Variants in PRKCZ observed in about 807,000 individuals in gnomAD.
PRKCZ encodes protein kinase C zeta.
A neutral mutation model predicts 79.5 loss-of-function variants in PRKCZ; 33 were observed. That is an observed-to-expected ratio of 0.41 (90% CI 0.31 to 0.55). PRKCZ has a LOEUF of 0.55. Among genes scored for constraint, PRKCZ ranks in the 20% least tolerant of loss-of-function variants. The pLI is 0.19. For synonymous variants in PRKCZ, 342 were observed against 320.9 expected, an observed-to-expected ratio of 1.07 and a Z score of -0.70; for missense variants, 578 against 813.5, an observed-to-expected ratio of 0.71 and a Z score of 3.52.
intron 10 of PRKCZ, among the ~76,000 whole-genome samples, chr1:2,162,639 G>T (rs1019022358): frequency 6.6e-6 from 1 of 152,050 alleles, no homozygotes; most frequent in Non-Finnish European, 1.5e-5. Context: ...TACAGATGGG[G>T]GTCTTGCTAT....
chr1:2,149,029 C>T lies in PRKCZ; in HGVS notation c.687+105C>T. The T allele has an allele frequency of 7.8e-7, 1 of 1,286,704 alleles. No homozygotes were observed. Among genetic ancestry groups the T allele is most frequent in the Non-Finnish European group, 1.1e-6 (1 of 898,862 alleles). The allele number at this position is 1,286,704 out of a possible 1,614,324, so 79.7% of individuals were successfully genotyped here. Reference sequence around the variant, plus strand: ...AATCTAGATGTGAAATAGACATGGTCCGGGGTGTTGCTAACTAATCTTCAC... The same window carrying T: ...AATCTAGATGTGAAATAGACATGGTTCGGGGTGTTGCTAACTAATCTTCAC... On this transcript the variant is annotated intron_variant, in intron 8 of 17. Transcript: ENST00000378567. This position sits in a 1 kb window ranked among gnomAD's most constrained non-coding sequence, Gnocchi z 4.1.
intron 4 of PRKCZ, among the ~76,000 whole-genome samples, chr1:2,126,143 T>TC (rs1340178554): frequency 1.3e-5 from 2 of 151,482 alleles, no homozygotes; most frequent in Admixed American, 6.6e-5. Context: ...TCACGTCTCC[T>TC]CCCCCCGCCT....
At chr1:2,085,920 T>A (rs1664440782) in intron 4 of PRKCZ, among the ~76,000 whole-genome samples, 1 of 152,166 alleles carries the variant, frequency 6.6e-6, no homozygotes, top group East Asian at 1.9e-4. Flanking sequence ...CTTCTCTCTT[T>A]CTCTCGCTCC....
At chr1:2,101,201 T>C (rs1240503692) in intron 4 of PRKCZ, among the ~76,000 whole-genome samples, 1 of 152,188 alleles carries the variant, frequency 6.6e-6, no homozygotes, top group African/African-American at 2.4e-5. Flanking sequence ...TTTTTAAAAC[T>C]TTTTAAAAGG....
chr1:2,169,001 TGCCACTTCCC>T, intron 10 of PRKCZ: 1 of 371,062 alleles, frequency 2.7e-6, no homozygotes, highest in Admixed American at 3.2e-5. Flanking sequence ...GAAACCGGGA[TGCCACTTCCC>T]ACCTGGCTTC....
At position 2,169,581 on chromosome 1, in the gene PRKCZ, G is replaced by C. The variant is rs1402089714; in HGVS notation, c.1038G>C (p.Arg346Ser). The C allele has an allele frequency of 2.6e-6, 4 of 1,520,256 alleles. No individual in the cohort carries two copies. Among genetic ancestry groups the C allele is most frequent in the Non-Finnish European group, 3.6e-6 (4 of 1,126,102 alleles). The allele number at this position is 1,520,256 out of a possible 1,614,324, so 94.2% of individuals were successfully genotyped here. ...GDLMFHMQRQ[R>S]KLPEEHARFY... is the part of the protein sequence containing the mutation. ...TGATGTTCCACATGCAGAGGCAGAG[G>C]AAGCTCCCTGAGGAGCACGCCAGGT... is the stretch of plus-strand genomic sequence containing the variant. Residue 346 changes from arginine to serine, a missense_variant, in exon 11 of 18, where the codon AGG (arginine) becomes AGC (serine). This residue lies in a region of PRKCZ where 243 missense variants were observed against 467.0 expected (regional missense o/e 0.52). Transcript: ENST00000378567.
At chr1:2,077,200 G>A (rs1662593434) in intron 4 of PRKCZ, among the ~76,000 whole-genome samples, 1 of 152,234 alleles carries the variant, frequency 6.6e-6, no homozygotes, top group Non-Finnish European at 1.5e-5. Flanking sequence ...ACACAGGAGA[G>A]TTTACACGCG....
In PRKCZ at chr1:2,107,301, C is replaced by T. The variant is rs576797726; in HGVS notation, c.335-27961C>T. Among the ~76,000 whole-genome samples, 11 of 152,334 alleles carry T rather than the reference C, an allele frequency of 7.2e-5. No homozygotes were observed. The South Asian group carries it at 2.3e-3, about 32-fold the overall frequency. On this transcript the variant is annotated intron_variant, in intron 4 of 17. Transcript: ENST00000378567. ...GCCAAGCAACACTGAGGCGGGATTG[C>T]GTCCTCCCTCTCCTGAGGCAGGTCC... is the stretch of plus-strand genomic sequence containing the variant.
chr1:2,178,373 C>G lies in PRKCZ; in HGVS notation c.1575+3060C>G, dbSNP rs560204761. Among the ~76,000 whole-genome samples, 1 of 152,244 alleles carries G rather than the reference C, an allele frequency of 6.6e-6. No homozygotes were observed. Among genetic ancestry groups the G allele is most frequent in the African/African-American group, 2.4e-5 (1 of 41,466 alleles). ...CAGTAGCACGTGGCACTGCCTCCTT[C>G]CTGCGCTGAACCCCACCCACTGCGT... On this transcript the variant is annotated intron_variant, in intron 16 of 17. Transcript: ENST00000378567. The surrounding 1 kb of genome is among the most constrained non-coding windows in gnomAD (Gnocchi z 4.3).
At chr1:2,079,403 GCA>G (rs1663056349) in intron 4 of PRKCZ, among the ~76,000 whole-genome samples, 2 of 152,196 alleles carry the variant, frequency 1.3e-5, no homozygotes, top group African/African-American at 2.4e-5. Flanking sequence ...TCCCAGAATC[GCA>G]CAGTTTGAGC....
rs529210774 is a variant in PRKCZ at position 2,093,647 on chromosome 1, C to T, written c.334+34056C>T. Among the ~76,000 whole-genome samples, 6 of 152,262 alleles carry T rather than the reference C, an allele frequency of 3.9e-5. No homozygotes were observed. The South Asian group carries it at 1.0e-3, about 26-fold the overall frequency. On this transcript the variant is annotated intron_variant, in intron 4 of 17. Coordinates refer to ENST00000378567, the MANE Select transcript of PRKCZ (RefSeq NM_002744.6). Reference sequence around the variant, plus strand: ...GTCCGGGTGGCTGTTGGTGCGGGGCCGCTGGGACCTGTACCCTCTAAGTTG... The same window carrying T: ...GTCCGGGTGGCTGTTGGTGCGGGGCTGCTGGGACCTGTACCCTCTAAGTTG...
At chr1:2,065,543 G>C (rs936015624) in intron 4 of PRKCZ, among the ~76,000 whole-genome samples, 1 of 152,152 alleles carries the variant, frequency 6.6e-6, no homozygotes, top group Non-Finnish European at 1.5e-5. Flanking sequence ...TCCGGGCGTG[G>C]TTGCAGGCGC....
intron 1 of PRKCZ, among the ~76,000 whole-genome samples, chr1:2,054,114 T>C (rs13302968): frequency 0.29 from 44,201 of 152,094 alleles, 9,886 homozygotes; most frequent in African/African-American, 0.63. Context: ...TTGTCTGGGA[T>C]GAGAACTTTG....
At chr1:2,184,882 A>G (rs754102251) in intron 17 of PRKCZ, 40 bp from the exon 18 acceptor site, 3 of 1,553,152 alleles carry the variant, frequency 1.9e-6, no homozygotes, top group Admixed American at 3.4e-5. Context: ...GGGAATGAAC[A>G]CACGGTCACC....
At chr1:2,097,786 C>G (rs183416726) in intron 4 of PRKCZ, among the ~76,000 whole-genome samples, 15 of 152,292 alleles carry the variant, frequency 9.8e-5, no homozygotes, top group African/African-American at 3.1e-4. Context: ...AAATAGCACT[C>G]GAACATAAAT....
intron 1 of PRKCZ, among the ~76,000 whole-genome samples, chr1:2,052,628 C>T (rs1241211825): frequency 6.6e-6 from 1 of 151,958 alleles, no homozygotes. Context: ...TGTGAAGTAC[C>T]CTTCTCCCCG....
At chr1:2,056,929 C>G (rs2803317) in intron 3 of PRKCZ, among the ~76,000 whole-genome samples, 18,824 of 151,948 alleles carry the variant, frequency 0.12, 3,844 homozygotes, top group African/African-American at 0.42. Context: ...GGGGTTTCAC[C>G]GTGTTAGCCA....
At chr1:2,097,791 A>G (rs1334689810) in intron 4 of PRKCZ, among the ~76,000 whole-genome samples, 1 of 152,242 alleles carries the variant, frequency 6.6e-6, no homozygotes, top group East Asian at 1.9e-4. Context: ...GCACTCGAAC[A>G]TAAATTTAAT....
intron 4 of PRKCZ, among the ~76,000 whole-genome samples, chr1:2,121,527 G>GTGGTAGTTAGGGT (rs1297446882): frequency 7.8e-6 from 1 of 128,472 alleles, no homozygotes; most frequent in Admixed American, 8.6e-5. Flanking sequence ...TAAGGTCATG[G>GTGGTAGTTAGGGT]CAGTAGTTAG....
Sources: allele counts gnomAD v4.1 joint callset (sites outside exome capture counted in the v4.1 genomes callset), GRCh38; gene constraint gnomAD v4.1.1; regional missense constraint gnomAD v4.1.1; non-coding constraint Gnocchi (gnomAD v3.1); transcripts MANE v1.5; gene names NCBI Gene and HGNC (gene_info 2026-07-23, HGNC 2026-07-21).